Variants in SNX9 observed in about 807,000 individuals in gnomAD.
The protein encoded by SNX9 is sorting nexin-9.
Under a neutral mutation model 89.4 loss-of-function variants are expected in SNX9, and 44 were observed. That is an observed-to-expected ratio of 0.49 (90% CI 0.39 to 0.63). The LOEUF is 0.63. Ranked by LOEUF, SNX9 falls within the 30% of genes least tolerant of loss-of-function variation. The pLI is 0.00. For missense variants in SNX9, 578 were observed against 736.1 expected (o/e 0.79, Z 2.49); for synonymous variants, 236 against 247.8 (o/e 0.95, Z 0.45).
rs763188498 is a variant in SNX9 at position 157,861,612 on chromosome 6, C to T, written c.13-5935C>T. Among the ~76,000 whole-genome samples, 8 of 152,068 alleles carry T rather than the reference C, an allele frequency of 5.3e-5. 1 individual carries two copies. Among genetic ancestry groups the T allele is most frequent in the Non-Finnish European group, 1.0e-4 (7 of 68,022 alleles). ...TTAGTTCACATAACAGTGGAGTAAG[C>T]GCAAGGTTGAGCAAAAGCTGTGGAA... On this transcript the variant is annotated intron_variant, in intron 1 of 17. Coordinates refer to ENST00000392185, the MANE Select transcript of SNX9 (RefSeq NM_016224.5).
intron 1 of SNX9, among the ~76,000 whole-genome samples, chr6:157,833,431 A>G (rs911102712): frequency 5.3e-5 from 8 of 152,300 alleles, no homozygotes; most frequent in Admixed American, 3.3e-4. Context: ...GGGCACTTCA[A>G]TAGAAGAATG....
chr6:157,898,882 G>A (rs1783034910), intron 5 of SNX9, among the ~76,000 whole-genome samples: 1 of 152,198 alleles, frequency 6.6e-6, no homozygotes, highest in Non-Finnish European at 1.5e-5. Flanking sequence ...AGGACCAGGG[G>A]TGTGGGCTGG....
intron 13 of SNX9, among the ~76,000 whole-genome samples, chr6:157,934,006 A>G (rs1486928279): frequency 6.6e-6 from 1 of 152,222 alleles, no homozygotes; most frequent in Non-Finnish European, 1.5e-5. Context: ...TTCTCCCATT[A>G]CAAAGGACAG....
intron 11 of SNX9, among the ~76,000 whole-genome samples, chr6:157,927,441 A>G (rs1783717937): frequency 6.6e-6 from 1 of 152,186 alleles, no homozygotes; most frequent in Non-Finnish European, 1.5e-5. Flanking sequence ...GAAGCCAGTG[A>G]TTTCATAGTT....
chr6:157,843,259 G>T (rs183840787), intron 1 of SNX9, among the ~76,000 whole-genome samples: 1 of 152,190 alleles, frequency 6.6e-6, no homozygotes, highest in East Asian at 1.9e-4. Context: ...ACAATGTGGG[G>T]GTTAGGAGCA....
chr6:157,867,155 G>A (rs547767915), intron 1 of SNX9, among the ~76,000 whole-genome samples: 2 of 152,140 alleles, frequency 1.3e-5, no homozygotes, highest in Non-Finnish European at 1.5e-5. Flanking sequence ...ATCTCGCTTT[G>A]TTGCTCAGGC....
chr6:157,882,596 A>C (rs1017295008), intron 4 of SNX9, among the ~76,000 whole-genome samples: 3 of 152,214 alleles, frequency 2.0e-5, no homozygotes, highest in African/African-American at 7.2e-5. Context: ...TCATGGAAGA[A>C]GGTCAAAATG....
At chr6:157,860,688 G>T (rs1301323365) in intron 1 of SNX9, among the ~76,000 whole-genome samples, 1 of 152,204 alleles carries the variant, frequency 6.6e-6, no homozygotes, top group African/African-American at 2.4e-5. Context: ...TAGAAGTTTG[G>T]TTACAGTGTA....
At chr6:157,838,952 G>T (rs1331262955) in intron 1 of SNX9, among the ~76,000 whole-genome samples, 1 of 152,202 alleles carries the variant, frequency 6.6e-6, no homozygotes, top group Non-Finnish European at 1.5e-5. Flanking sequence ...GGTTAAAATG[G>T]ATCTGCTCCT....
At chr6:157,826,973 T>TATATTATGGTTTATATAATATATAAA (rs1781374609) in intron 1 of SNX9, among the ~76,000 whole-genome samples, 3 of 14,524 alleles carry the variant, frequency 2.1e-4, no homozygotes, top group African/African-American at 1.2e-3. Flanking sequence ...AATATATACA[T>TATATTATGGTTTATATAATATATAAA]ATATATTATA....
rs1781357438 is a variant in SNX9 at position 157,826,807 on chromosome 6, T to TATATA, written c.12+3362_12+3366dup. On this transcript the variant is annotated intron_variant, in intron 1 of 17. Coordinates refer to ENST00000392185, the MANE Select transcript of SNX9 (RefSeq NM_016224.5). ...TATATTATATATATATATTATATTT[T>TATATA]ATATATAAATATATATTATATTTTA... Among the ~76,000 whole-genome samples, 16 of 101,084 alleles carry TATATA rather than the reference T, an allele frequency of 1.6e-4. 2 individuals carry two copies. Among genetic ancestry groups the TATATA allele is most frequent in the African/African-American group, 9.2e-4 (15 of 16,392 alleles). The allele number at this position is 101,084 out of a possible 152,430, so 66.3% of individuals were successfully genotyped here.
chr6:157,858,048 T>G (rs1782046741), intron 1 of SNX9, among the ~76,000 whole-genome samples: 1 of 152,110 alleles, frequency 6.6e-6, no homozygotes, highest in African/African-American at 2.4e-5. Flanking sequence ...TGCGGGCCTC[T>G]TTCCATATGG....
chr6:157,839,815 C>A (rs971839724), intron 1 of SNX9, among the ~76,000 whole-genome samples: 2 of 152,220 alleles, frequency 1.3e-5, no homozygotes, highest in Non-Finnish European at 2.9e-5. Context: ...TAGTAACTCT[C>A]TCCACCACTT....
intron 2 of SNX9, 81 bp downstream of exon 2, chr6:157,867,714 A>T: frequency 9.0e-7 from 1 of 1,113,528 alleles, no homozygotes; most frequent in Non-Finnish European, 1.3e-6. Flanking sequence ...TGTACATTCG[A>T]GTCTGATTGT....
At chr6:157,860,280 G>A (rs926402155) in intron 1 of SNX9, among the ~76,000 whole-genome samples, 2 of 152,208 alleles carry the variant, frequency 1.3e-5, no homozygotes, top group Non-Finnish European at 2.9e-5. Flanking sequence ...GGTGGCATGT[G>A]CCTGTAGTCC....
intron 1 of SNX9, among the ~76,000 whole-genome samples, chr6:157,835,417 T>C (rs1781563589): frequency 6.6e-6 from 1 of 151,544 alleles, no homozygotes; most frequent in East Asian, 1.9e-4. Flanking sequence ...CCCTTCTTTT[T>C]TTTTTTTTTT....
chr6:157,882,826 T>C (rs1485095623), intron 4 of SNX9, among the ~76,000 whole-genome samples: 3 of 152,226 alleles, frequency 2.0e-5, no homozygotes, highest in Non-Finnish European at 4.4e-5. Context: ...AGATGGAATC[T>C]ATTCGTGGTG....
Position 157,944,646 on chromosome 6 carries a change from C to T in SNX9, c.*1808C>T, listed in dbSNP as rs994996726. On this transcript the variant is annotated 3_prime_UTR_variant, in exon 18 of 18. Transcript: ENST00000392185. Reference sequence around the variant, plus strand: ...CTTCCCCAAATCCTATTTCTTCTGACATGAATTCATCATTTCAGTTCCGTA... The same window carrying T: ...CTTCCCCAAATCCTATTTCTTCTGATATGAATTCATCATTTCAGTTCCGTA... 2 of 152,196 alleles carry T rather than the reference C, an allele frequency of 1.3e-5. No individual in the cohort carries two copies. The highest frequency in any genetic ancestry group is 1.3e-4 in the Admixed American group (2 of 15,282). The allele number at this position is 152,196 out of a possible 1,614,324, so 9.4% of individuals were successfully genotyped here. A position where few individuals can be genotyped will look rare whatever the true frequency, so the allele number is the denominator to read the frequency against.
intron 12 of SNX9, among the ~76,000 whole-genome samples, chr6:157,930,529 A>G (rs770398023): frequency 2.6e-5 from 4 of 152,184 alleles, no homozygotes; most frequent in Admixed American, 2.6e-4. Context: ...CTTCATCTCT[A>G]TCTACAGGTG....
Sources: allele counts gnomAD v4.1 joint callset (sites outside exome capture counted in the v4.1 genomes callset), GRCh38; gene constraint gnomAD v4.1.1; transcripts MANE v1.5; gene names NCBI Gene and HGNC (gene_info 2026-07-23, HGNC 2026-07-21).